SHISA9: variants seen among roughly 807,000 people sequenced by gnomAD.
SHISA9 encodes protein shisa-9.
Under a neutral mutation model 38.0 loss-of-function variants are expected in SHISA9, and 13 were observed. The observed-to-expected ratio is 0.34, with a 90% CI of 0.22 to 0.54. SHISA9 has a LOEUF of 0.54. Among genes scored for constraint, SHISA9 ranks in the 20% least tolerant of loss-of-function variants. The probability of loss-of-function intolerance (pLI) is 0.91; values close to 1 mark genes in which losing one functional copy is unlikely to be tolerated. For missense variants in SHISA9, 538 were observed against 575.8 expected (o/e 0.93, Z 0.67); for synonymous variants, 275 against 242.0 (o/e 1.14, Z -1.27).
the SHISA9 span, among the ~76,000 whole-genome samples, chr16:13,261,212 A>G: frequency 2.1e-3 from 324 of 152,274 alleles, no homozygotes; most frequent in Non-Finnish European, 3.4e-3. Context: ...TCTAGATGTG[A>G]AATATGACAT....
At chr16:13,206,966 T>C (rs2142059177) in intron 3 of SHISA9, among the ~76,000 whole-genome samples, 1 of 151,798 alleles carries the variant, frequency 6.6e-6, no homozygotes, top group South Asian at 2.1e-4. Context: ...GGTGGCCCAC[T>C]TCCCTTTCTG....
chr16:13,339,253 G>C, the SHISA9 span, among the ~76,000 whole-genome samples: 4 of 149,072 alleles, frequency 2.7e-5, no homozygotes, highest in African/African-American at 9.9e-5. Flanking sequence ...AGGGCTATTA[G>C]GTACTTTTTG....
At chr16:13,496,603 A>AT in the SHISA9 span, among the ~76,000 whole-genome samples, 1 of 152,134 alleles carries the variant, frequency 6.6e-6, no homozygotes, top group African/African-American at 2.4e-5. Context: ...CACTGCTTCC[A>AT]TAAGATACGA....
chr16:13,210,977 G>A (rs1201134896), intron 3 of SHISA9, among the ~76,000 whole-genome samples: 1 of 152,100 alleles, frequency 6.6e-6, no homozygotes, highest in East Asian at 1.9e-4. Context: ...AGCTTACCAA[G>A]GTACTCATCA....
chr16:13,399,965 G>A, the SHISA9 span, among the ~76,000 whole-genome samples: 27 of 152,184 alleles, frequency 1.8e-4, no homozygotes, highest in Non-Finnish European at 2.2e-4. Flanking sequence ...CCTAGCACAG[G>A]GGTTGCCATT....
chr16:13,099,318 T>C (rs187694299), intron 2 of SHISA9, among the ~76,000 whole-genome samples: 1 of 152,276 alleles, frequency 6.6e-6, no homozygotes, highest in East Asian at 1.9e-4. Flanking sequence ...GATGGGACTT[T>C]CCTGGAGCAG....
the SHISA9 span, among the ~76,000 whole-genome samples, chr16:13,530,599 G>C: frequency 6.6e-6 from 1 of 151,426 alleles, no homozygotes; most frequent in East Asian, 1.9e-4. Flanking sequence ...ATTTTTTTGT[G>C]CCGTTACTGG....
At chr16:13,194,720 A>C (rs2050920605) in intron 2 of SHISA9, among the ~76,000 whole-genome samples, 1 of 152,228 alleles carries the variant, frequency 6.6e-6, no homozygotes, top group Non-Finnish European at 1.5e-5. Flanking sequence ...ACACTCAGGA[A>C]GACAAGAAGA....
chr16:13,366,047 CGTT>C, the SHISA9 span, among the ~76,000 whole-genome samples: 1 of 152,312 alleles, frequency 6.6e-6, no homozygotes, highest in East Asian at 1.9e-4. Context: ...CCTACTTAGT[CGTT>C]ATCATCACGT....
chr16:13,223,217 A>G (rs1174145294), intron 4 of SHISA9, among the ~76,000 whole-genome samples: 1 of 152,110 alleles, frequency 6.6e-6, no homozygotes, highest in Non-Finnish European at 1.5e-5. Context: ...GCTTGAGCTC[A>G]GGAGTTTGAG....
chr16:13,295,861 A>G, the SHISA9 span, among the ~76,000 whole-genome samples: 1 of 152,220 alleles, frequency 6.6e-6, no homozygotes, highest in African/African-American at 2.4e-5. Context: ...AGGAAGGAGC[A>G]TTGATTCAGA....
intron 2 of SHISA9, among the ~76,000 whole-genome samples, chr16:13,029,232 A>T (rs1224002516): frequency 6.6e-6 from 1 of 152,210 alleles, no homozygotes; most frequent in Non-Finnish European, 1.5e-5. Flanking sequence ...TTTGGAAGCA[A>T]CCTAAGTGTC....
At chr16:12,905,650 G>T (rs1242279670) in intron 1 of SHISA9, among the ~76,000 whole-genome samples, 11 of 150,744 alleles carry the variant, frequency 7.3e-5, no homozygotes, top group Non-Finnish European at 1.3e-4. Context: ...GGAGTGCAGT[G>T]GCAGGATCTC....
Position 13,095,595 on chromosome 16 carries a change from A to G in SHISA9, c.692-107799A>G, listed in dbSNP as rs1178225417. Among the ~76,000 whole-genome samples, 4 of 152,382 alleles carry G rather than the reference A, an allele frequency of 2.6e-5. No individual in the cohort carries two copies. In the East Asian group the frequency reaches 7.7e-4, roughly 29 times the overall value. ...ATATGAAGGAAAAGGACTACAGTCC[A>G]GACCATCTTCATTTAACTGAATTCT... On this transcript the variant is annotated intron_variant, in intron 2 of 4. Transcript: ENST00000558583.
intron 4 of SHISA9, among the ~76,000 whole-genome samples, chr16:13,228,281 T>G (rs897254878): frequency 6.6e-6 from 1 of 152,112 alleles, no homozygotes; most frequent in African/African-American, 2.4e-5. Context: ...CAGCTCAGAG[T>G]TAGGTTAGGA....
intron 2 of SHISA9, among the ~76,000 whole-genome samples, chr16:12,927,525 A>G (rs2071406792): frequency 6.6e-6 from 1 of 151,700 alleles, no homozygotes; most frequent in African/African-American, 2.4e-5. Flanking sequence ...CAACCTCTCA[A>G]GTAGCTGGGG....
At chr16:13,103,761 GT>G (rs1295823898) in intron 2 of SHISA9, among the ~76,000 whole-genome samples, 1 of 152,200 alleles carries the variant, frequency 6.6e-6, no homozygotes, top group Non-Finnish European at 1.5e-5. Flanking sequence ...TGTCCACCAT[GT>G]TTTTTCTTCC....
At chr16:13,022,195 A>C (rs1160650152) in intron 2 of SHISA9, among the ~76,000 whole-genome samples, 1 of 152,082 alleles carries the variant, frequency 6.6e-6, no homozygotes, top group Non-Finnish European at 1.5e-5. Flanking sequence ...TCTGTTGCCC[A>C]GGCTGGAGTG....
At chr16:13,334,593 T>C in the SHISA9 span, among the ~76,000 whole-genome samples, 4 of 151,802 alleles carry the variant, frequency 2.6e-5, no homozygotes, top group Non-Finnish European at 2.9e-5. Context: ...GCTAACATGG[T>C]GAAACCCCGT....
Sources: gnomAD v4.1 joint callset for allele counts (sites outside exome capture counted in the v4.1 genomes callset) on GRCh38, gnomAD v4.1.1 for gene constraint, MANE v1.5 for transcripts, NCBI Gene and HGNC (gene_info 2026-07-23, HGNC 2026-07-21) for gene names.